Variants in PCDHAC1 observed in about 807,000 individuals in gnomAD.
The protein encoded by PCDHAC1 is protocadherin alpha-C1.
A neutral mutation model predicts 60.0 loss-of-function variants in PCDHAC1; 42 were observed. The ratio of observed to expected loss-of-function variants is 0.70; its 90% CI spans 0.55 to 0.90. The LOEUF is 0.90. Ranked by LOEUF, PCDHAC1 falls within the 40% of genes least tolerant of loss-of-function variation. The probability of loss-of-function intolerance (pLI) is 0.00; values close to 1 mark genes in which losing one functional copy is unlikely to be tolerated. For missense variants in PCDHAC1, 1,160 were observed against 1,222.3 expected (o/e 0.95, Z 0.76); for synonymous variants, 468 against 499.3 (o/e 0.94, Z 0.84).
intron 1 of PCDHAC1, among the ~76,000 whole-genome samples, chr5:140,944,151 A>G (rs2093615419): frequency 6.6e-6 from 1 of 152,070 alleles, no homozygotes; most frequent in African/African-American, 2.4e-5. Flanking sequence ...GAAGAGTTGA[A>G]AATTAAAGGG....
At chr5:140,951,685 T>C (rs1305310211) in intron 1 of PCDHAC1, among the ~76,000 whole-genome samples, 4 of 152,140 alleles carry the variant, frequency 2.6e-5, no homozygotes, top group African/African-American at 9.7e-5. Flanking sequence ...GGGATTACAA[T>C]GTGACATGAG....
intron 1 of PCDHAC1, among the ~76,000 whole-genome samples, chr5:140,954,689 A>T (rs1392082377): frequency 2.0e-5 from 3 of 152,164 alleles, no homozygotes; most frequent in Non-Finnish European, 4.4e-5. Context: ...TCAGATGGAT[A>T]GACTACAAAA....
intron 3 of PCDHAC1, among the ~76,000 whole-genome samples, chr5:140,989,548 T>G (rs914557459): frequency 1.3e-5 from 2 of 152,166 alleles, no homozygotes; most frequent in Non-Finnish European, 2.9e-5. Flanking sequence ...TGTAATTCCT[T>G]TACGTTTTGT....
At chr5:140,943,144 G>C (rs894787678) in intron 1 of PCDHAC1, among the ~76,000 whole-genome samples, 1 of 151,178 alleles carries the variant, frequency 6.6e-6, no homozygotes, top group Non-Finnish European at 1.5e-5. Context: ...TGTAGTCCCA[G>C]CTACTCTGGA....
At chr5:140,979,078 A>G (rs2240296) in intron 2 of PCDHAC1, 71 bp downstream of exon 2, 2 of 1,583,496 alleles carry the variant, frequency 1.3e-6, no homozygotes, top group East Asian at 4.5e-5. Flanking sequence ...CTGCATCTCC[A>G]TAGGCCAGAA....
In PCDHAC1 at chr5:140,959,634, A is replaced by G. The variant is rs78629455; in HGVS notation, c.2434-19315A>G. ...TGCTTGTGATAGAAAAAAAGAGAGA[A>G]AAAACACAGAAGCAAAATTGAAGAA... On this transcript the variant is annotated intron_variant, in intron 1 of 3. Transcript: ENST00000253807. Among the ~76,000 whole-genome samples, 1,434 of 152,320 alleles carry G rather than the reference A, an allele frequency of 9.4e-3. 14 individuals carry two copies. The highest frequency in any genetic ancestry group is 0.021 in the Admixed American group (316 of 15,292).
At chr5:140,957,780 G>A (rs2095383354) in intron 1 of PCDHAC1, among the ~76,000 whole-genome samples, 1 of 152,020 alleles carries the variant, frequency 6.6e-6, no homozygotes, top group Non-Finnish European at 1.5e-5. Context: ...TAAAAACTAA[G>A]TTCATCATAT....
chr5:140,999,764 T>G (rs1587850651), intron 3 of PCDHAC1, among the ~76,000 whole-genome samples: 1 of 152,284 alleles, frequency 6.6e-6, no homozygotes, highest in East Asian at 1.9e-4. Flanking sequence ...CATGATGTCT[T>G]TATACTCTTA....
chr5:140,934,515 C>A (rs1163045974), intron 1 of PCDHAC1, among the ~76,000 whole-genome samples: 1 of 152,214 alleles, frequency 6.6e-6, no homozygotes, highest in Admixed American at 6.5e-5. Context: ...GGTCCATAGA[C>A]CACACTTCGA....
intron 1 of PCDHAC1, among the ~76,000 whole-genome samples, chr5:140,938,685 C>CTT (rs1554212299): frequency 6.6e-6 from 1 of 151,964 alleles, no homozygotes; most frequent in African/African-American, 2.4e-5. Context: ...ATTTTCTTTA[C>CTT]AGTTTTTAAA....
intron 1 of PCDHAC1, among the ~76,000 whole-genome samples, chr5:140,932,061 T>G (rs1009983968): frequency 5.3e-5 from 8 of 152,046 alleles, no homozygotes; most frequent in African/African-American, 1.9e-4. Flanking sequence ...TACTAAAAAT[T>G]ATCAGTTTAA....
intron 1 of PCDHAC1, among the ~76,000 whole-genome samples, chr5:140,946,403 CATAGAA>C (rs1425933072): frequency 1.3e-5 from 2 of 151,512 alleles, no homozygotes; most frequent in African/African-American, 2.4e-5. Flanking sequence ...TTAGTACAAT[CATAGAA>C]AACAATATGG....
At chr5:140,993,720 T>C (rs1201014213) in intron 3 of PCDHAC1, among the ~76,000 whole-genome samples, 2 of 152,172 alleles carry the variant, frequency 1.3e-5, no homozygotes, top group Non-Finnish European at 2.9e-5. Context: ...TTACTGTACC[T>C]TTTCTATGTT....
chr5:140,992,017 CTGTGTGTGTG>C (rs10602499), intron 3 of PCDHAC1, among the ~76,000 whole-genome samples: 1 of 145,512 alleles, frequency 6.9e-6, no homozygotes, highest in Non-Finnish European at 1.5e-5. Context: ...AGAGGTGGCT[CTGTGTGTGTG>C]TGTGTGTGTG....
chr5:140,968,979 G>A (rs782482075), intron 1 of PCDHAC1: 6 of 1,614,042 alleles, frequency 3.7e-6, no homozygotes, highest in South Asian at 3.3e-5. Context: ...ACTGCGTATG[G>A]CACTGCATGC....
chr5:140,965,031 T>C (rs1211247687), intron 1 of PCDHAC1, among the ~76,000 whole-genome samples: 3 of 152,208 alleles, frequency 2.0e-5, no homozygotes, highest in African/African-American at 7.2e-5. Flanking sequence ...CTCCTTTAAC[T>C]GTCCGCTCTA....
At chr5:141,000,183 A>G (rs2097895175) in intron 3 of PCDHAC1, among the ~76,000 whole-genome samples, 1 of 151,898 alleles carries the variant, frequency 6.6e-6, no homozygotes, top group Non-Finnish European at 1.5e-5. Context: ...CAAGGAGTCA[A>G]TGTGAGAATA....
intron 1 of PCDHAC1, among the ~76,000 whole-genome samples, chr5:140,971,962 T>C (rs1392143830): frequency 6.6e-6 from 1 of 152,150 alleles, no homozygotes; most frequent in Non-Finnish European, 1.5e-5. Context: ...CAAAAACTTT[T>C]TTTCAATACT....
chr5:140,951,548 G>A (rs1314618918), intron 1 of PCDHAC1, among the ~76,000 whole-genome samples: 1 of 151,910 alleles, frequency 6.6e-6, no homozygotes, highest in African/African-American at 2.4e-5. Flanking sequence ...AGGGACGGGG[G>A]GAAGTGCTAC....
Sources: gnomAD v4.1 joint callset for allele counts (sites outside exome capture counted in the v4.1 genomes callset) on GRCh38, gnomAD v4.1.1 for gene constraint, MANE v1.5 for transcripts, NCBI Gene and HGNC (gene_info 2026-07-23, HGNC 2026-07-21) for gene names.